The following ADGRF4 variants were observed in gnomAD, a reference collection of about 807,000 sequenced individuals.
ADGRF4 encodes adhesion G protein-coupled receptor F4.
ADGRF4 carries 63 observed loss-of-function variants against 58.5 expected under a neutral mutation model. That is an observed-to-expected ratio of 1.08 (90% CI 0.88 to 1.33). ADGRF4 has a LOEUF of 1.33. ADGRF4 is among the 40% of genes most tolerant of loss of function. ADGRF4 has a pLI of 0.00. For missense variants in ADGRF4, 931 were observed against 843.9 expected, an observed-to-expected ratio of 1.10 and a Z score of -1.28; for synonymous variants, 313 against 295.4, an observed-to-expected ratio of 1.06 and a Z score of -0.61.
At position 47,720,199 on chromosome 6, in the gene ADGRF4, C is replaced by T. The variant is rs533830931; in HGVS notation, c.*4-1010C>T. 2.0e-5 allele frequency among the ~76,000 whole-genome samples: 3 copies of T among 152,178 alleles called. No individual in the cohort carries two copies. The East Asian group carries it at 5.8e-4, about 29-fold the overall frequency. On this transcript the variant is annotated intron_variant, in intron 9 of 9. Transcript: ENST00000283303. Reference sequence around the variant, plus strand: ...GGAGGGTGGCAGCACCAGGGGGTCTCTCAGCGGAGACAGGGGCCCCACACA... The same window carrying T: ...GGAGGGTGGCAGCACCAGGGGGTCTTTCAGCGGAGACAGGGGCCCCACACA...
Position 47,717,293 on chromosome 6 carries a change from T to A in ADGRF4, c.1976T>A (p.Ile659Lys), listed in dbSNP as rs776018554. The A allele has an allele frequency of 8.7e-6, 14 of 1,606,396 alleles. No homozygotes were observed. Among genetic ancestry groups the A allele is most frequent in the Non-Finnish European group, 6.8e-6 (8 of 1,172,896 alleles). Residue 659 changes from isoleucine (I) to lysine (K), a missense_variant and splice_region_variant, in exon 8 of 10, where the codon ATA becomes AAA. Physicochemically the swap from Ile to Lys is moderately radical, Grantham distance 102. Coordinates refer to ENST00000283303, the MANE Select transcript of ADGRF4 (RefSeq NM_153838.5). ...TTCTCATTGTCATTGCTTCTTTAGA[T>A]AAGAGATGCTTTGAGGATGAGGATG... ...LLFGTIMDHKIRDALRMRMSS... is the reference protein window; with the variant it reads ...LLFGTIMDHKKRDALRMRMSS...
intron 5 of ADGRF4, 133 bp downstream of exon 5, chr6:47,712,741 T>G: frequency 1.5e-6 from 1 of 657,628 alleles, no homozygotes; most frequent in South Asian, 1.9e-5. Context: ...TCACTTCGGT[T>G]TGGGATATTG....
rs759076311 is a variant in ADGRF4, at chr6:47,714,188, C to A, written c.943C>A (p.Gln315Lys). The stretch of plus-strand genomic sequence containing the variant: ...CTTGCAAAATGTGAGTCTTCCCAGA[C>A]AGGTAAATGGTCTGGTGCTATCAGT... ...AHLQNVSLPR[Q>K]VNGLVLSVVL... The change falls in exon 6 of 10, where the codon CAG (glutamine) becomes AAG (lysine). Residue 315 changes from glutamine (Q) to lysine (K), a missense_variant. Physicochemically the swap from Gln to Lys is moderately conservative, Grantham distance 53. Transcript: ENST00000283303. 1 of 1,614,040 alleles carries A rather than the reference C, an allele frequency of 6.2e-7. No individual in the cohort carries two copies. The highest frequency in any genetic ancestry group is 1.1e-5 in the South Asian group (1 of 91,054).
At position 47,710,742 on chromosome 6, in the gene ADGRF4, C is replaced by G; in HGVS notation, c.156C>G (p.Cys52Trp). ...CTCTTTTTTTCTTTATAGAGAAATG[C>G]GAAGGACCTTGTATTTCTTCTTCCA... ...KPKTGRIQEK[C>W]EGPCISSSNC... Residue 52 changes from cysteine (C) to tryptophan (W), a missense_variant, in exon 4 of 10, where the codon TGC becomes TGG. Physicochemically the swap from Cys to Trp is radical, Grantham distance 215. Transcript: ENST00000283303. The G allele has an allele frequency of 6.3e-7, 1 of 1,599,154 alleles. No homozygotes were observed. The highest frequency in any genetic ancestry group is 8.5e-7 in the Non-Finnish European group (1 of 1,175,454).
intron 3 of ADGRF4, 119 bp from the exon 4 acceptor site, chr6:47,710,616 C>G (rs1771837075): frequency 1.0e-6 from 1 of 959,488 alleles, no homozygotes; most frequent in Non-Finnish European, 1.6e-6. Context: ...CAGTTCAACC[C>G]AATTGCCTCC....
At chr6:47,718,708 A>T (rs1158594683) in intron 9 of ADGRF4, among the ~76,000 whole-genome samples, 1 of 152,172 alleles carries the variant, frequency 6.6e-6, no homozygotes, top group Non-Finnish European at 1.5e-5. Flanking sequence ...ACATACCTTA[A>T]TTCCATCTTG....
chr6:47,717,486 C>A, intron 8 of ADGRF4, 135 bp downstream of exon 8: 1 of 699,776 alleles, frequency 1.4e-6, no homozygotes, highest in Non-Finnish European at 2.7e-6. Context: ...TCATTCATTT[C>A]TTCATTCGGT....
intron 1 of ADGRF4, among the ~76,000 whole-genome samples, chr6:47,704,516 A>G (rs1771660954): frequency 6.6e-6 from 1 of 152,174 alleles, no homozygotes; most frequent in Non-Finnish European, 1.5e-5. Context: ...AGACTTCAGT[A>G]TAATTGTGAA....
At chr6:47,713,558 G>T (rs1431366436) in intron 5 of ADGRF4, among the ~76,000 whole-genome samples, 1 of 152,176 alleles carries the variant, frequency 6.6e-6, no homozygotes, top group Admixed American at 6.5e-5. Context: ...GTCTGGAAAT[G>T]CTGCCCTGCG....
Position 47,714,501 on chromosome 6 carries a change from G to T in ADGRF4, c.1256G>T (p.Cys419Phe), listed in dbSNP as rs962053772. The T allele has an allele frequency of 6.2e-7, 1 of 1,614,100 alleles. No homozygotes were observed. The highest frequency in any genetic ancestry group is 8.5e-7 in the Non-Finnish European group (1 of 1,180,006). Reference protein sequence around the residue: ...LSVSILSLVLCLIIEATVWSR... With the variant: ...LSVSILSLVLFLIIEATVWSR... ...GTCTCAATCCTAAGCTTGGTTCTTTGCCTGATCATTGAAGCCACAGTGTGG... is the reference window on the plus strand; with the variant it reads ...GTCTCAATCCTAAGCTTGGTTCTTTTCCTGATCATTGAAGCCACAGTGTGG... The change falls in exon 6 of 10, where the codon TGC (cysteine) becomes TTC (phenylalanine). Residue 419 changes from cysteine to phenylalanine, a missense_variant. By Grantham distance (205) the Cys-to-Phe change is radical (BLOSUM62 -2). Transcript: ENST00000283303.
intron 6 of ADGRF4, chr6:47,715,431 G>C: frequency 2.7e-6 from 1 of 377,124 alleles, no homozygotes; most frequent in South Asian, 6.1e-5. Context: ...GTTAGAAGAA[G>C]CTAACCTTCA....
At chr6:47,701,465 G>T (rs1771586889) in intron 1 of ADGRF4, among the ~76,000 whole-genome samples, 1 of 152,200 alleles carries the variant, frequency 6.6e-6, no homozygotes, top group African/African-American at 2.4e-5. Context: ...TTGGGAAGGA[G>T]ATGTGGAGCT....
chr6:47,699,414 G>A (rs1771533892), intron 1 of ADGRF4, among the ~76,000 whole-genome samples: 2 of 152,196 alleles, frequency 1.3e-5, no homozygotes. Context: ...CACATCATGA[G>A]CTTTCTTCAT....
rs749129046 is a variant in ADGRF4 at position 47,708,197 on chromosome 6, G to A, written c.94-27G>A. The A allele has an allele frequency of 4.4e-5, 69 of 1,583,326 alleles. No individual in the cohort carries two copies. The Admixed American group carries it at 9.8e-4, about 23-fold the overall frequency. ...AGGGAGCAGAGTCCCACAGTAAAGA[G>A]GACCATTGGGAATTTATATTTTTCA... On this transcript the variant is annotated intron_variant, in intron 2 of 9. Transcript: ENST00000283303.
rs201596586 is a variant in ADGRF4 at position 47,714,968 on chromosome 6, A to C, written c.1723A>C (p.Ile575Leu). Residue 575 changes from isoleucine to leucine, a missense_variant, in exon 6 of 10, where the codon ATT becomes CTT. Physicochemically the swap from Ile to Leu is conservative, Grantham distance 5. Coordinates refer to ENST00000283303, the MANE Select transcript of ADGRF4 (RefSeq NM_153838.5). ...GTTCGTCATTGTGGCTGTAAATCTG[A>C]TTGTGGTTTTGGTTGTTGCTGTCAA... The part of the protein sequence containing the change: ...PAFVIVAVNL[I>L]VVLVVAVNTQ... 1.4e-5 allele frequency: 22 copies of C among 1,613,434 alleles called. No individual in the cohort carries two copies. The South Asian group carries it at 2.4e-4, about 18-fold the overall frequency.
chr6:47,711,185 G>T (rs535379621), intron 4 of ADGRF4, among the ~76,000 whole-genome samples: 2 of 151,898 alleles, frequency 1.3e-5, no homozygotes, highest in Admixed American at 1.3e-4. Flanking sequence ...TTACATTTTA[G>T]CTCTAAAGGT....
chr6:47,703,512 T>A (rs1771636534), intron 1 of ADGRF4, among the ~76,000 whole-genome samples: 1 of 152,188 alleles, frequency 6.6e-6, no homozygotes, highest in Non-Finnish European at 1.5e-5. Flanking sequence ...AATGCTATGA[T>A]TCCTCTTGGG....
At chr6:47,718,507 C>G in intron 9 of ADGRF4, 62 bp downstream of exon 9, 1 of 910,854 alleles carries the variant, frequency 1.1e-6, no homozygotes, top group Non-Finnish European at 1.9e-6. Context: ...ACCAATGCCC[C>G]TTGTGACCAC....
intron 6 of ADGRF4, 30 bp from the exon 7 acceptor site, chr6:47,716,776 C>G (rs1022243456): frequency 6.4e-7 from 1 of 1,557,632 alleles, no homozygotes; most frequent in East Asian, 2.3e-5. Flanking sequence ...GAAAAACCAT[C>G]CCTCATGAAT....
Sources: gnomAD v4.1 joint callset for allele counts (sites outside exome capture counted in the v4.1 genomes callset) on GRCh38, gnomAD v4.1.1 for gene constraint, MANE v1.5 for transcripts, NCBI Gene and HGNC (gene_info 2026-07-23, HGNC 2026-07-21) for gene names.